LSAMP: variants seen among roughly 807,000 people sequenced by gnomAD.
LSAMP encodes limbic system associated membrane protein.
In LSAMP, 7 loss-of-function variants were observed where a neutral mutation model predicts 38.6. The ratio of observed to expected loss-of-function variants is 0.18; its 90% CI spans 0.10 to 0.34. The LOEUF (loss-of-function observed/expected upper bound fraction) is 0.34. Ranked by LOEUF, LSAMP falls within the 10% of genes least tolerant of loss-of-function variation. The pLI is 1.00. For synonymous variants in LSAMP, 154 were observed against 166.8 expected, an observed-to-expected ratio of 0.92 and a Z score of 0.59; for missense variants, 313 against 420.0, an observed-to-expected ratio of 0.75 and a Z score of 2.23.
chr3:115,854,942 GA>G (rs1165356714), intron 3 of LSAMP, among the ~76,000 whole-genome samples: 2 of 152,300 alleles, frequency 1.3e-5, no homozygotes, highest in Middle Eastern at 3.4e-3. Context: ...ATTTTAATGA[GA>G]AAATAGTTAA....
chr3:116,339,863 C>G (rs955422355), intron 1 of LSAMP, among the ~76,000 whole-genome samples: 5 of 152,044 alleles, frequency 3.3e-5, no homozygotes, highest in Non-Finnish European at 5.9e-5. Flanking sequence ...CAGTTACCAA[C>G]CACTGAGCCA....
chr3:116,273,683 C>CAG (rs150705226), intron 1 of LSAMP, among the ~76,000 whole-genome samples: 2,205 of 49,382 alleles, frequency 0.045, 331 homozygotes, highest in African/African-American at 0.16. Flanking sequence ...GAGAAAGAGG[C>CAG]ATATATATAT....
At chr3:116,249,273 G>T (rs2046646969) in intron 1 of LSAMP, among the ~76,000 whole-genome samples, 1 of 151,964 alleles carries the variant, frequency 6.6e-6, no homozygotes, top group African/African-American at 2.4e-5. Context: ...CAGCACATGT[G>T]AACTCTTTAT....
At chr3:115,923,864 T>A (rs1407454061) in intron 3 of LSAMP, among the ~76,000 whole-genome samples, 2 of 152,202 alleles carry the variant, frequency 1.3e-5, no homozygotes, top group Non-Finnish European at 2.9e-5. Flanking sequence ...CATTTTTATA[T>A]TAGCATTCAT....
In LSAMP at chr3:115,908,302, T is replaced by C. The variant is rs183981760; in HGVS notation, c.515-55685A>G. Among the ~76,000 whole-genome samples the C allele has an allele frequency of 8.5e-5, 13 of 152,230 alleles. No individual in the cohort carries two copies. In the East Asian group the frequency reaches 2.3e-3, roughly 27 times the overall value. On this transcript the variant is annotated intron_variant, in intron 3 of 6. Coordinates refer to ENST00000490035, the MANE Select transcript of LSAMP (RefSeq NM_002338.5). ...TCAATATCCAATCAAATGATTTTAGTTTACCCTAAACTTTACAAAAGAATA... is the reference window on the plus strand; with the variant it reads ...TCAATATCCAATCAAATGATTTTAGCTTACCCTAAACTTTACAAAAGAATA...
At chr3:116,160,353 C>A (rs577971026) in intron 1 of LSAMP, among the ~76,000 whole-genome samples, 1 of 140,738 alleles carries the variant, frequency 7.1e-6, no homozygotes, top group Non-Finnish European at 1.5e-5. Context: ...GAGCCGAGAT[C>A]GTGCCATTGC....
At chr3:116,444,293 T>C (rs893151802) in intron 1 of LSAMP, among the ~76,000 whole-genome samples, 4 of 151,866 alleles carry the variant, frequency 2.6e-5, no homozygotes, top group African/African-American at 9.7e-5. Flanking sequence ...TCCATGTCAA[T>C]TAGAAGATCC....
rs534618946 is a variant in LSAMP at position 115,909,890 on chromosome 3, T to C, written c.515-57273A>G. On this transcript the variant is annotated intron_variant, in intron 3 of 6. Transcript: ENST00000490035. Reference sequence around the variant, plus strand: ...CTCCTTTACATAAGTTTAAAATATCTGTGTTTCACTCTTCTAAAAAGAAAA... The same window carrying C: ...CTCCTTTACATAAGTTTAAAATATCCGTGTTTCACTCTTCTAAAAAGAAAA... 1.8e-4 allele frequency among the ~76,000 whole-genome samples: 21 copies of C among 113,740 alleles called. No individual in the cohort carries two copies. In the East Asian group the frequency reaches 5.4e-3, roughly 29 times the overall value. 74.6% of individuals were successfully genotyped at this position (113,740 alleles called of 152,430 possible). A position where few individuals can be genotyped will look rare whatever the true frequency, so the allele number is the denominator to read the frequency against.
At chr3:116,282,652 C>A (rs1017273200) in intron 1 of LSAMP, among the ~76,000 whole-genome samples, 2 of 152,070 alleles carry the variant, frequency 1.3e-5, no homozygotes, top group Admixed American at 6.6e-5. Context: ...AACGGAGCAA[C>A]CACAGCAAAA....
At chr3:115,871,620 A>AGTGTGTGTGT in intron 3 of LSAMP, among the ~76,000 whole-genome samples, 1 of 126,148 alleles carries the variant, frequency 7.9e-6, no homozygotes, top group African/African-American at 3.8e-5. Flanking sequence ...TGTGTGTGTA[A>AGTGTGTGTGT]GAGAGACAGA....
chr3:116,175,462 T>C (rs1710315099), intron 1 of LSAMP, among the ~76,000 whole-genome samples: 1 of 152,102 alleles, frequency 6.6e-6, no homozygotes, highest in South Asian at 2.1e-4. Flanking sequence ...CCTACAATGG[T>C]ATAGAACACT....
chr3:116,048,544 C>T (rs1941335858), intron 2 of LSAMP, among the ~76,000 whole-genome samples: 1 of 152,166 alleles, frequency 6.6e-6, no homozygotes, highest in Non-Finnish European at 1.5e-5. Flanking sequence ...AGTCACATGA[C>T]TTCAACTGTG....
intron 1 of LSAMP, among the ~76,000 whole-genome samples, chr3:116,179,235 C>A (rs1710427374): frequency 6.6e-6 from 1 of 152,144 alleles, no homozygotes; most frequent in Admixed American, 6.5e-5. Context: ...CCTTTGTAGA[C>A]ATCTGGAAAC....
At chr3:115,888,152 T>A (rs564442287) in intron 3 of LSAMP, among the ~76,000 whole-genome samples, 1 of 152,122 alleles carries the variant, frequency 6.6e-6, no homozygotes, top group South Asian at 2.1e-4. Context: ...TATTTATATA[T>A]ACAATTACTT....
chr3:116,228,777 C>T (rs892235471), intron 1 of LSAMP, among the ~76,000 whole-genome samples: 8 of 152,100 alleles, frequency 5.3e-5, no homozygotes, highest in South Asian at 2.1e-4. Flanking sequence ...AAAACTAGCC[C>T]GGGCTCTCAA....
intron 1 of LSAMP, among the ~76,000 whole-genome samples, chr3:116,110,289 G>C (rs1005723221): frequency 6.6e-6 from 1 of 151,940 alleles, no homozygotes; most frequent in Non-Finnish European, 1.5e-5. Context: ...AGAAGGGGTA[G>C]AGACAAGGAG....
intron 3 of LSAMP, among the ~76,000 whole-genome samples, chr3:115,931,115 G>A (rs1937573996): frequency 6.6e-6 from 1 of 152,062 alleles, no homozygotes; most frequent in Admixed American, 6.6e-5. Context: ...GTAACCCTTG[G>A]CAGCACCCCA....
rs1213567968 is a variant in LSAMP, at chr3:115,810,221, ATCTCTCTCTCTCTCTCTCTCTCTG to A, written c.*72_*95del. On this transcript the variant is annotated 3_prime_UTR_variant, in exon 7 of 7. Transcript: ENST00000490035. Reference sequence around the variant, plus strand: ...AGTTGTGAAATAAACGGTCTCCCCCATCTCTCTCTCTCTCTCTCTCTCTGTCTCTCTCTCTCTGTATTCTGTGTG... The same window carrying A: ...AGTTGTGAAATAAACGGTCTCCCCCATCTCTCTCTCTCTGTATTCTGTGTG... 6.2e-6 allele frequency: 4 copies of A among 649,876 alleles called. No individual in the cohort carries two copies. The highest frequency in any genetic ancestry group is 1.0e-5 in the Non-Finnish European group (4 of 394,338). The allele number at this position is 649,876 out of a possible 1,614,324, so 40.3% of individuals were successfully genotyped here.
At chr3:116,348,011 T>C (rs989857358) in intron 1 of LSAMP, among the ~76,000 whole-genome samples, 4 of 151,832 alleles carry the variant, frequency 2.6e-5, no homozygotes, top group Non-Finnish European at 5.9e-5. Flanking sequence ...GTAGAGTGAC[T>C]ATACATCTCT....
Sources: gnomAD v4.1 joint callset for allele counts (sites outside exome capture counted in the v4.1 genomes callset) on GRCh38, gnomAD v4.1.1 for gene constraint, MANE v1.5 for transcripts, NCBI Gene and HGNC (gene_info 2026-07-23, HGNC 2026-07-21) for gene names.